The following SND1 variants were observed in gnomAD, a reference collection of about 807,000 sequenced individuals.
The protein encoded by SND1 is staphylococcal nuclease domain-containing protein 1.
A neutral mutation model predicts 121.7 loss-of-function variants in SND1; 38 were observed. The ratio of observed to expected loss-of-function variants is 0.31; its 90% CI spans 0.24 to 0.41. The LOEUF (loss-of-function observed/expected upper bound fraction) is 0.41. SND1 is among the 10% of genes least tolerant of loss of function. SND1 has a pLI of 1.00. For synonymous variants in SND1, 401 were observed against 447.4 expected (o/e 0.90, Z 1.31); for missense variants, 868 against 1,184.6 (o/e 0.73, Z 3.92).
At chr7:127,972,706 A>G (rs980276222) in intron 15 of SND1, among the ~76,000 whole-genome samples, 1 of 151,992 alleles carries the variant, frequency 6.6e-6, no homozygotes, top group African/African-American at 2.4e-5. Context: ...CAGCCTCCCT[A>G]GTGGCTGGGA....
At chr7:127,767,880 C>T (rs903771132) in intron 10 of SND1, among the ~76,000 whole-genome samples, 3 of 152,160 alleles carry the variant, frequency 2.0e-5, no homozygotes, top group Non-Finnish European at 4.4e-5. Flanking sequence ...AGGAATTGCC[C>T]TCAAACCCTG....
chr7:127,733,835 C>A (rs374195239), intron 10 of SND1, among the ~76,000 whole-genome samples: 1 of 152,096 alleles, frequency 6.6e-6, no homozygotes, highest in South Asian at 2.1e-4. Flanking sequence ...CCCTCTAAGC[C>A]CTAGCTGAGA....
intron 1 of SND1, among the ~76,000 whole-genome samples, chr7:127,667,417 A>G (rs1460375764): frequency 6.6e-6 from 1 of 152,102 alleles, no homozygotes; most frequent in African/African-American, 2.4e-5. Context: ...TCATTTTATT[A>G]TGATTTGATA....
chr7:127,972,036 A>G (rs1374533364), intron 15 of SND1, among the ~76,000 whole-genome samples: 1 of 152,016 alleles, frequency 6.6e-6, no homozygotes, highest in Admixed American at 6.6e-5. Flanking sequence ...CGGCCTCCCA[A>G]AGTGCTAGGA....
At chr7:127,702,562 A>T (rs769565733) in intron 6 of SND1, 36 bp downstream of exon 6, 1 of 1,544,086 alleles carries the variant, frequency 6.5e-7, no homozygotes, top group African/African-American at 1.4e-5. Context: ...GTGGGTTTAG[A>T]GTGTGTGGAT....
intron 10 of SND1, among the ~76,000 whole-genome samples, chr7:127,775,415 A>AC (rs538929679): frequency 3.3e-5 from 5 of 152,146 alleles, no homozygotes; most frequent in Admixed American, 6.5e-5. Context: ...TAATAAAAAA[A>AC]ACACACAGAG....
intron 16 of SND1, chr7:128,030,547 A>T: frequency 6.2e-7 from 1 of 1,613,340 alleles, no homozygotes; most frequent in Non-Finnish European, 8.5e-7. Flanking sequence ...ATGGCTGCAC[A>T]CAGAATCCAC....
intron 16 of SND1, among the ~76,000 whole-genome samples, chr7:128,046,341 G>GT (rs200922645): frequency 0.013 from 1,935 of 147,966 alleles, 52 homozygotes; most frequent in African/African-American, 0.046. Context: ...TGTTTTTTTG[G>GT]GTTTTTTTTT....
intron 16 of SND1, among the ~76,000 whole-genome samples, chr7:128,070,460 C>T (rs1793391613): frequency 1.3e-5 from 2 of 152,216 alleles, no homozygotes; most frequent in Non-Finnish European, 2.9e-5. Flanking sequence ...CCTAAGTCAC[C>T]TAAGGCCTAA....
At chr7:128,013,208 G>A (rs1240270777) in intron 16 of SND1, among the ~76,000 whole-genome samples, 3 of 152,054 alleles carry the variant, frequency 2.0e-5, no homozygotes, top group African/African-American at 7.2e-5. Context: ...AGGAGGCAGG[G>A]GCTTCTCCTG....
chr7:127,686,379 T>A (rs993426335), intron 1 of SND1, among the ~76,000 whole-genome samples: 1 of 152,210 alleles, frequency 6.6e-6, no homozygotes, highest in African/African-American at 2.4e-5. Flanking sequence ...TCTATGACTT[T>A]TCTATTGTTG....
chr7:127,886,984 T>A (rs554634188), intron 12 of SND1, among the ~76,000 whole-genome samples: 1 of 152,196 alleles, frequency 6.6e-6, no homozygotes, highest in South Asian at 2.1e-4. Context: ...TTTACTTTCT[T>A]TGTTCCCCAT....
chr7:127,780,929 C>T (rs1296815496), intron 10 of SND1, among the ~76,000 whole-genome samples: 8 of 152,136 alleles, frequency 5.3e-5, no homozygotes, highest in Admixed American at 5.2e-4. Context: ...TTCTTCTGAG[C>T]TACGGAAAAC....
intron 14 of SND1, among the ~76,000 whole-genome samples, chr7:127,908,536 C>T (rs1238183052): frequency 6.6e-6 from 1 of 152,080 alleles, no homozygotes; most frequent in Non-Finnish European, 1.5e-5. Context: ...GCCACTGCTG[C>T]CATTTCTATC....
At chr7:128,082,373 C>T (rs1460402908) in intron 18 of SND1, among the ~76,000 whole-genome samples, 1 of 152,222 alleles carries the variant, frequency 6.6e-6, no homozygotes, top group Admixed American at 6.5e-5. Flanking sequence ...GATGGCAGGA[C>T]ACAGCTCTGC....
intron 10 of SND1, among the ~76,000 whole-genome samples, chr7:127,793,466 G>A (rs578167900): frequency 6.6e-6 from 1 of 152,068 alleles, no homozygotes; most frequent in Non-Finnish European, 1.5e-5. Flanking sequence ...TGTTTGTTTT[G>A]TTTTTTAATG....
At chr7:127,658,324 A>G (rs560823510) in intron 1 of SND1, among the ~76,000 whole-genome samples, 2 of 152,286 alleles carry the variant, frequency 1.3e-5, no homozygotes, top group African/African-American at 4.8e-5. Flanking sequence ...CAAAAGAAAA[A>G]AGAATGAGAG....
intron 1 of SND1, among the ~76,000 whole-genome samples, chr7:127,666,209 C>T (rs1024050766): frequency 2.6e-5 from 4 of 152,182 alleles, no homozygotes; most frequent in East Asian, 1.9e-4. Flanking sequence ...GCCCCTGAAC[C>T]GTAGCTCTAG....
intron 15 of SND1, among the ~76,000 whole-genome samples, chr7:127,950,340 T>C (rs1376301388): frequency 6.6e-6 from 1 of 152,224 alleles, no homozygotes; most frequent in African/African-American, 2.4e-5. Context: ...CCTAACTTGC[T>C]AGATAAATGA....
Sources: allele counts gnomAD v4.1 joint callset (sites outside exome capture counted in the v4.1 genomes callset), GRCh38; gene constraint gnomAD v4.1.1; transcripts MANE v1.5; gene names NCBI Gene and HGNC (gene_info 2026-07-23, HGNC 2026-07-21).